The following PTGFRN variants were observed in gnomAD, a reference collection of about 807,000 sequenced individuals.
PTGFRN encodes the protein prostaglandin F2 receptor inhibitor.
A neutral mutation model predicts 83.2 loss-of-function variants in PTGFRN; 35 were observed. That is an observed-to-expected ratio of 0.42 (90% CI 0.32 to 0.56). The LOEUF (loss-of-function observed/expected upper bound fraction) is 0.56, where lower values mean the gene tolerates loss of function less well. Ranked by LOEUF, PTGFRN falls within the 20% of genes least tolerant of loss-of-function variation. The probability of loss-of-function intolerance (pLI) is 0.11; values close to 1 mark genes in which losing one functional copy is unlikely to be tolerated. For missense variants in PTGFRN, 1,051 were observed against 1,179.5 expected, an observed-to-expected ratio of 0.89 and a Z score of 1.60; for synonymous variants, 519 against 498.6, an observed-to-expected ratio of 1.04 and a Z score of -0.55.
chr1:116,925,741 A>G (rs779347387), intron 1 of PTGFRN, among the ~76,000 whole-genome samples: 4 of 152,126 alleles, frequency 2.6e-5, no homozygotes, highest in Non-Finnish European at 5.9e-5. Context: ...TCTCCTTCCA[A>G]CTTTTCTATA....
chr1:116,923,734 C>T lies in PTGFRN; in HGVS notation c.49+13482C>T, dbSNP rs1557958391. On this transcript the variant is annotated intron_variant, in intron 1 of 8. Coordinates refer to ENST00000393203, the MANE Select transcript of PTGFRN (RefSeq NM_020440.4). The surrounding 1 kb of genome is among the most constrained non-coding windows in gnomAD (Gnocchi z 4.0). ...GGATCATCTGCTTGTCATCACTGTT[C>T]TAGGGAGCAGCCCACACTGAGCCAC... is the stretch of plus-strand genomic sequence containing the variant. Among the ~76,000 whole-genome samples the T allele has an allele frequency of 1.3e-5, 2 of 152,106 alleles. No individual in the cohort carries two copies. Among genetic ancestry groups the T allele is most frequent in the African/African-American group, 4.8e-5 (2 of 41,406 alleles).
intron 1 of PTGFRN, among the ~76,000 whole-genome samples, chr1:116,938,686 A>G (rs575164196): frequency 1.6e-4 from 24 of 152,200 alleles, no homozygotes; most frequent in African/African-American, 5.5e-4. Flanking sequence ...TTCAAAACCA[A>G]TCATGCCTTC....
Position 116,918,989 on chromosome 1 carries a change from C to T in PTGFRN, c.49+8737C>T, listed in dbSNP as rs1649473170. ...GGAGGGCATGATGATGGCATAAAAG[C>T]AGATTCTGAGGTGCAAGGGAATGGG... On this transcript the variant is annotated intron_variant, in intron 1 of 8. Coordinates refer to ENST00000393203, the MANE Select transcript of PTGFRN (RefSeq NM_020440.4). The surrounding 1 kb of genome is among the most constrained non-coding windows in gnomAD (Gnocchi z 4.1). Among the ~76,000 whole-genome samples, 1 of 152,118 alleles carries T rather than the reference C, an allele frequency of 6.6e-6. No homozygotes were observed. The highest frequency in any genetic ancestry group is 1.5e-5 in the Non-Finnish European group (1 of 68,030).
rs777577579 is a variant in PTGFRN at position 116,944,721 on chromosome 1, C to G, written c.461C>G (p.Pro154Arg). ...SLHVGPSARP[P>R]PSLSLREGEP... ...CACGTGGGCCCCAGCGCGCGGCCCC[C>G]GCCGAGCCTGAGCCTGCGGGAGGGG... The change falls in exon 3 of 9, where the codon CCG becomes CGG. Residue 154 changes from proline (P) to arginine (R), a missense_variant. Transcript: ENST00000393203. 62 of 1,458,490 alleles carry G rather than the reference C, an allele frequency of 4.3e-5. No homozygotes were observed. The African/African-American group carries it at 6.7e-4, about 16-fold the overall frequency. The allele number at this position is 1,458,490 out of a possible 1,614,324, so 90.3% of individuals were successfully genotyped here.
At chr1:116,982,753 G>A (rs1409419862) in intron 7 of PTGFRN, among the ~76,000 whole-genome samples, 6 of 152,174 alleles carry the variant, frequency 3.9e-5, no homozygotes, top group Non-Finnish European at 7.4e-5. Context: ...AAGGGGACTG[G>A]GCTTTTCTGT....
At chr1:116,980,133 T>C (rs1651272502) in intron 7 of PTGFRN, among the ~76,000 whole-genome samples, 1 of 151,860 alleles carries the variant, frequency 6.6e-6, no homozygotes, top group Non-Finnish European at 1.5e-5. Flanking sequence ...TCACTGGCCA[T>C]CAGAGAAATG....
intron 7 of PTGFRN, among the ~76,000 whole-genome samples, chr1:116,978,817 C>CA (rs1651230531): frequency 6.6e-6 from 1 of 152,120 alleles, no homozygotes; most frequent in African/African-American, 2.4e-5. Context: ...TGGCACAAGA[C>CA]AGGGATACCC....
chr1:116,984,269 C>G (rs1651399863), intron 7 of PTGFRN, among the ~76,000 whole-genome samples: 1 of 152,026 alleles, frequency 6.6e-6, no homozygotes, highest in African/African-American at 2.4e-5. Context: ...AAGGAGCTGG[C>G]TTTCTTTGGG....
chr1:116,986,400 C>T (rs1465650006), intron 8 of PTGFRN, among the ~76,000 whole-genome samples: 1 of 152,158 alleles, frequency 6.6e-6, no homozygotes, highest in Non-Finnish European at 1.5e-5. Flanking sequence ...AAATAGCTCC[C>T]TTAGTACACT....
chr1:116,920,863 A>G (rs553747395), intron 1 of PTGFRN, among the ~76,000 whole-genome samples: 2 of 152,266 alleles, frequency 1.3e-5, no homozygotes, highest in African/African-American at 2.4e-5. Context: ...GCCTCAAGTG[A>G]TCCACCTGCC....
intron 4 of PTGFRN, among the ~76,000 whole-genome samples, chr1:116,959,132 G>T (rs752131640): frequency 6.6e-6 from 1 of 152,208 alleles, no homozygotes; most frequent in Admixed American, 6.5e-5. Flanking sequence ...GCATATGATG[G>T]TGTAAACACA....
At chr1:116,960,952 C>G (rs893770209) in intron 4 of PTGFRN, among the ~76,000 whole-genome samples, 1 of 152,096 alleles carries the variant, frequency 6.6e-6, no homozygotes, top group Non-Finnish European at 1.5e-5. Flanking sequence ...GGGAAACTGA[C>G]AGCAGACCCC....
At chr1:116,951,778 C>T (rs1480762484) in intron 4 of PTGFRN, among the ~76,000 whole-genome samples, 1 of 152,158 alleles carries the variant, frequency 6.6e-6, no homozygotes, top group African/African-American at 2.4e-5. Flanking sequence ...GCAGCAGACC[C>T]TTCTCAAAGA....
In PTGFRN at chr1:116,986,839, G is replaced by A. The variant is rs567014566; in HGVS notation, c.2512G>A (p.Gly838Ser). 179 of 1,614,128 alleles carry A rather than the reference G, an allele frequency of 1.1e-4. 1 individual carries two copies. In the South Asian group the frequency reaches 1.8e-3, roughly 16 times the overall value. The change falls in exon 9 of 9, where the codon GGT becomes AGT. Residue 838 changes from glycine to serine, a missense_variant. Physicochemically the swap from Gly to Ser is moderately conservative, Grantham distance 56. This residue lies in a region of PTGFRN where 719 missense variants were observed against 836.6 expected (regional missense o/e 0.86). Coordinates refer to ENST00000393203, the MANE Select transcript of PTGFRN (RefSeq NM_020440.4). ...CAAGTATCCCTTGCTGATCGGCGTC[G>A]GTCTGTCCACGGTCATCGGGCTCCT... Reference protein sequence around the residue: ...AFKYPLLIGVGLSTVIGLLSC... With the variant: ...AFKYPLLIGVSLSTVIGLLSC...
At chr1:116,960,837 G>A (rs1650629234) in intron 4 of PTGFRN, among the ~76,000 whole-genome samples, 1 of 152,144 alleles carries the variant, frequency 6.6e-6, no homozygotes, top group African/African-American at 2.4e-5. Flanking sequence ...GTTCCAGTGG[G>A]GGTGTTGGAG....
intron 1 of PTGFRN, among the ~76,000 whole-genome samples, chr1:116,932,535 C>T (rs2478767): frequency 0.15 from 22,283 of 152,104 alleles, 2,844 homozygotes; most frequent in African/African-American, 0.34. Flanking sequence ...TATAAATATG[C>T]GTGGTGTTAA....
intron 4 of PTGFRN, among the ~76,000 whole-genome samples, chr1:116,955,484 A>C (rs1008899383): frequency 1.4e-4 from 21 of 152,282 alleles, no homozygotes; most frequent in African/African-American, 4.8e-4. Flanking sequence ...CACACACACA[A>C]AAACACACAC....
rs746799195 is a variant in PTGFRN at position 116,984,996 on chromosome 1, C to T, written c.2473+11C>T. On this transcript the variant is annotated intron_variant, in intron 8 of 8. Coordinates refer to ENST00000393203, the MANE Select transcript of PTGFRN (RefSeq NM_020440.4). ...CTGTGAAGATGGATGGTAAGAATGT[C>T]ACCCAAATTTCTCAGTGTTTGGGAA... is the stretch of plus-strand genomic sequence containing the variant. 6.2e-7 allele frequency: 1 copy of T among 1,607,682 alleles called. No homozygotes were observed. Among genetic ancestry groups the T allele is most frequent in the Non-Finnish European group, 8.5e-7 (1 of 1,176,326 alleles).
chr1:116,965,402 C>G (rs757262317), intron 5 of PTGFRN, among the ~76,000 whole-genome samples: 42 of 152,250 alleles, frequency 2.8e-4, no homozygotes, highest in Non-Finnish European at 5.4e-4. Context: ...GGACTCAAGC[C>G]TCTCAAGTAG....
Sources: gnomAD v4.1 joint callset for allele counts (sites outside exome capture counted in the v4.1 genomes callset) on GRCh38, gnomAD v4.1.1 for gene constraint, gnomAD v4.1.1 regional missense constraint, Gnocchi (gnomAD v3.1) non-coding constraint, MANE v1.5 for transcripts, NCBI Gene and HGNC (gene_info 2026-07-23, HGNC 2026-07-21) for gene names.